Variants in PEX14 observed in about 807,000 individuals in gnomAD.
PEX14 encodes peroxisomal membrane protein PEX14.
In PEX14, 15 loss-of-function variants were observed where a neutral mutation model predicts 49.5. The observed-to-expected ratio is 0.30, with a 90% CI of 0.20 to 0.47. PEX14 has a LOEUF of 0.47. PEX14 is among the 20% of genes least tolerant of loss of function. PEX14 has a pLI of 1.00. For missense variants in PEX14, 398 were observed against 494.8 expected (o/e 0.80, Z 1.86); for synonymous variants, 210 against 212.7 (o/e 0.99, Z 0.11).
At chr1:10,490,803 T>C (rs572061905) in intron 1 of PEX14, among the ~76,000 whole-genome samples, 3 of 151,356 alleles carry the variant, frequency 2.0e-5, no homozygotes, top group East Asian at 1.9e-4. Context: ...CTGGGCTCAG[T>C]TGATCCTCCC....
intron 2 of PEX14, among the ~76,000 whole-genome samples, chr1:10,526,277 A>G (rs1418943114): frequency 6.8e-6 from 1 of 147,044 alleles, no homozygotes; most frequent in African/African-American, 2.5e-5. Flanking sequence ...GCTGGAGTGC[A>G]GTGGCGTGAT....
intron 3 of PEX14, among the ~76,000 whole-genome samples, chr1:10,572,841 T>G (rs934331821): frequency 2.6e-5 from 4 of 152,198 alleles, no homozygotes; most frequent in Non-Finnish European, 4.4e-5. Flanking sequence ...TGGCCAGAGA[T>G]ATGTTCTAAG....
At chr1:10,626,983 G>C (rs971781181) in intron 7 of PEX14, among the ~76,000 whole-genome samples, 1 of 152,174 alleles carries the variant, frequency 6.6e-6, no homozygotes. Context: ...TACCGCACCC[G>C]CACGCCTCCG....
intron 3 of PEX14, among the ~76,000 whole-genome samples, chr1:10,568,926 G>GAT (rs1459488027): frequency 6.6e-6 from 1 of 152,022 alleles, no homozygotes; most frequent in Admixed American, 6.6e-5. Flanking sequence ...TTTTTGTAGA[G>GAT]ATGGGGTTTC....
intron 3 of PEX14, among the ~76,000 whole-genome samples, chr1:10,579,509 T>C (rs1640247709): frequency 6.6e-6 from 1 of 152,124 alleles, no homozygotes; most frequent in African/African-American, 2.4e-5. Context: ...GAAAGAATTC[T>C]GGGCGAGTCT....
chr1:10,599,401 A>G lies in PEX14; in HGVS notation c.298+35A>G, dbSNP rs374618469. The G allele has an allele frequency of 5.0e-6, 8 of 1,613,338 alleles. No homozygotes were observed. In the Admixed American group the frequency reaches 6.7e-5, roughly 13 times the overall value. On this transcript the variant is annotated intron_variant, in intron 4 of 8. Coordinates refer to ENST00000356607, the MANE Select transcript of PEX14 (RefSeq NM_004565.3). ...CCGCTCAAACTCCTGCTTAACCTTG[A>G]TTGGGATTCAGGACTCTGGCCAAAG...
chr1:10,569,811 C>G lies in PEX14; in HGVS notation c.170-29427C>G, dbSNP rs572646794. ...CCTTTCTGTGTTGCTGCTGAAAAGT[C>G]TGAGGTCATTCTGATTCCTGATCCT... On this transcript the variant is annotated intron_variant, in intron 3 of 8. Coordinates refer to ENST00000356607, the MANE Select transcript of PEX14 (RefSeq NM_004565.3). Among the ~76,000 whole-genome samples the G allele has an allele frequency of 2.5e-4, 38 of 152,272 alleles. 1 individual carries two copies. In the South Asian group the frequency reaches 7.7e-3, roughly 31 times the overall value.
At chr1:10,516,491 TG>T (rs1463759835) in intron 2 of PEX14, among the ~76,000 whole-genome samples, 2 of 152,226 alleles carry the variant, frequency 1.3e-5, no homozygotes, top group African/African-American at 4.8e-5. Flanking sequence ...GCCAGGTCCG[TG>T]GGAGTCTTTT....
intron 2 of PEX14, among the ~76,000 whole-genome samples, chr1:10,513,985 C>A (rs1039014816): frequency 6.6e-6 from 1 of 152,006 alleles, no homozygotes; most frequent in Non-Finnish European, 1.5e-5. Context: ...TCCCACAGCG[C>A]GTTTATATCC....
intron 4 of PEX14, among the ~76,000 whole-genome samples, chr1:10,604,449 C>T (rs1386760813): frequency 6.6e-6 from 1 of 152,044 alleles, no homozygotes; most frequent in Non-Finnish European, 1.5e-5. Context: ...GAGATGCCAT[C>T]TCTGTAAAAA....
At chr1:10,577,408 A>C (rs867270880) in intron 3 of PEX14, among the ~76,000 whole-genome samples, 8 of 7,902 alleles carry the variant, frequency 1.0e-3, no homozygotes, top group Middle Eastern at 0.036. Flanking sequence ...AAAAAAAAAA[A>C]CCAAAAAAAA....
chr1:10,601,523 G>C (rs184684784), intron 4 of PEX14, among the ~76,000 whole-genome samples: 1 of 152,286 alleles, frequency 6.6e-6, no homozygotes, highest in East Asian at 1.9e-4. Flanking sequence ...ATCTTATTTA[G>C]AGATCTCCTC....
intron 3 of PEX14, among the ~76,000 whole-genome samples, chr1:10,568,800 C>T (rs1388852927): frequency 2.6e-5 from 4 of 152,026 alleles, no homozygotes; most frequent in Non-Finnish European, 4.4e-5. Flanking sequence ...AGTGCAGTGG[C>T]GTGATCTCGG....
intron 2 of PEX14, among the ~76,000 whole-genome samples, chr1:10,509,762 A>G (rs1641851650): frequency 6.6e-6 from 1 of 152,234 alleles, no homozygotes; most frequent in African/African-American, 2.4e-5. Context: ...ATTAACCTGC[A>G]CAAACCTCAT....
chr1:10,577,550 A>T (rs1570295551), intron 3 of PEX14, among the ~76,000 whole-genome samples: 3 of 12,966 alleles, frequency 2.3e-4, no homozygotes, highest in Non-Finnish European at 2.8e-4. Flanking sequence ...ATATATATAT[A>T]TATATATATA....
intron 3 of PEX14, among the ~76,000 whole-genome samples, chr1:10,576,189 A>T (rs1309210431): frequency 6.6e-6 from 1 of 152,046 alleles, no homozygotes; most frequent in Non-Finnish European, 1.5e-5. Flanking sequence ...ATATTTTTTA[A>T]TATATAAAAG....
At chr1:10,571,026 T>G (rs1271020353) in intron 3 of PEX14, among the ~76,000 whole-genome samples, 2 of 146,184 alleles carry the variant, frequency 1.4e-5, no homozygotes, top group East Asian at 2.0e-4. Context: ...TTTTTTTTTT[T>G]TTTTTTTTTT....
At chr1:10,583,560 A>C (rs1268819712) in intron 3 of PEX14, among the ~76,000 whole-genome samples, 1 of 152,062 alleles carries the variant, frequency 6.6e-6, no homozygotes, top group Non-Finnish European at 1.5e-5. Context: ...AGGTGCCAGT[A>C]GAACCTAGGT....
intron 3 of PEX14, among the ~76,000 whole-genome samples, chr1:10,550,833 C>G (rs1386989151): frequency 2.0e-5 from 3 of 152,222 alleles, no homozygotes; most frequent in Non-Finnish European, 4.4e-5. Flanking sequence ...AAAATGAAAT[C>G]TAGAATGACT....
Sources: allele counts gnomAD v4.1 joint callset (sites outside exome capture counted in the v4.1 genomes callset), GRCh38; gene constraint gnomAD v4.1.1; transcripts MANE v1.5; gene names NCBI Gene and HGNC (gene_info 2026-07-23, HGNC 2026-07-21).